The following PRDM1 variants were observed in gnomAD, a reference collection of about 807,000 sequenced individuals.
The protein encoded by PRDM1 is PR/SET domain 1.
PRDM1 carries 13 observed loss-of-function variants against 62.8 expected under a neutral mutation model. The ratio of observed to expected loss-of-function variants is 0.21; its 90% confidence interval spans 0.13 to 0.33. The LOEUF is 0.33. PRDM1 is among the 10% of genes least tolerant of loss of function. The probability of loss-of-function intolerance (pLI) is 1.00; values close to 1 mark genes in which losing one functional copy is unlikely to be tolerated. For synonymous variants in PRDM1, 396 were observed against 417.6 expected (o/e 0.95, Z 0.63); for missense variants, 895 against 1,058.8 (o/e 0.85, Z 2.15).
chr6:106,055,706 A>G (rs545698394), intron 1 of PRDM1, among the ~76,000 whole-genome samples: 1 of 152,314 alleles, frequency 6.6e-6, no homozygotes, highest in Non-Finnish European at 1.5e-5. Context: ...CATTTCACCA[A>G]TTGAACATTT....
chr6:106,051,079 C>T (rs1340437118), intron 1 of PRDM1, among the ~76,000 whole-genome samples: 2 of 152,150 alleles, frequency 1.3e-5, no homozygotes, highest in Non-Finnish European at 2.9e-5. Flanking sequence ...AGTCAGGTTT[C>T]ACCTGTTATA....
In PRDM1 at chr6:106,105,477, C is replaced by G. The variant is rs140025520; in HGVS notation, c.1317C>G (p.Leu439=). 17 of 1,614,138 alleles carry G rather than the reference C, an allele frequency of 1.1e-5. No homozygotes were observed. Among genetic ancestry groups the G allele is most frequent in the Non-Finnish European group, 1.1e-5 (13 of 1,180,034 alleles). ...TGAATGGCATCAACAACTTTGGCCT[C>G]TTCCCGAGGCTGTGCCCTGTCTACA... ...SSMNGINNFG[L]FPRLCPVYSN... The change falls in exon 5 of 7, where the codon CTC becomes CTG. Residue 439 remains leucine (L), a synonymous_variant. Coordinates refer to ENST00000369096, the MANE Select transcript of PRDM1 (RefSeq NM_001198.4).
Position 106,109,421 on chromosome 6 carries a change from T to A in PRDM1, c.*1935T>A. On this transcript the variant is annotated 3_prime_UTR_variant, in exon 7 of 7. Transcript: ENST00000369096. ...ATACTGATACATTACTCCAATCTATTTTATAATTATATTTGACATTTTGTT... is the reference window on the plus strand; with the variant it reads ...ATACTGATACATTACTCCAATCTATATTATAATTATATTTGACATTTTGTT... 1 of 233,412 alleles carries A rather than the reference T, an allele frequency of 4.3e-6. No homozygotes were observed. The highest frequency in any genetic ancestry group is 8.5e-6 in the Non-Finnish European group (1 of 117,856). 14.5% of individuals were successfully genotyped at this position (233,412 alleles called of 1,614,324 possible). A position where few individuals can be genotyped will look rare whatever the true frequency, so the allele number is the denominator to read the frequency against.
intron 1 of PRDM1, among the ~76,000 whole-genome samples, chr6:106,020,933 C>T (rs1211794624): frequency 6.6e-6 from 1 of 152,196 alleles, no homozygotes; most frequent in Non-Finnish European, 1.5e-5. Flanking sequence ...GCACCCGGCT[C>T]CATGCCAGTC....
intron 2 of PRDM1, among the ~76,000 whole-genome samples, chr6:106,089,474 C>T (rs975250424): frequency 3.3e-5 from 5 of 152,108 alleles, no homozygotes; most frequent in Non-Finnish European, 7.4e-5. Flanking sequence ...TGAAGGAATC[C>T]GGGAGACTAG....
chr6:106,019,636 TC>T (rs368652177), intron 1 of PRDM1, among the ~76,000 whole-genome samples: 2 of 149,888 alleles, frequency 1.3e-5, no homozygotes, highest in African/African-American at 2.4e-5. Flanking sequence ...TTTTTTCTTT[TC>T]TTTTTTTTTT....
chr6:106,048,216 C>CAA (rs71006668), upstream of PRDM1, among the ~76,000 whole-genome samples: 38,126 of 109,814 alleles, frequency 0.35, 7,386 homozygotes, highest in South Asian at 0.57. Context: ...CCATCTCTAC[C>CAA]AAAAAAAAAA....
chr6:106,086,240 C>T (rs1773798868), upstream of PRDM1: 3 of 386,916 alleles, frequency 7.8e-6, no homozygotes, highest in East Asian at 1.2e-4. Context: ...AAGCCCTGGG[C>T]TCGGCCAGGT....
chr6:106,074,318 G>C (rs1315686527), intron 1 of PRDM1, among the ~76,000 whole-genome samples: 1 of 152,146 alleles, frequency 6.6e-6, no homozygotes, highest in Non-Finnish European at 1.5e-5. Flanking sequence ...CCAGTCTCTA[G>C]GGATTGTAAT....
chr6:106,057,215 G>A (rs941229988), intron 1 of PRDM1, among the ~76,000 whole-genome samples: 3 of 152,150 alleles, frequency 2.0e-5, no homozygotes, highest in Admixed American at 6.5e-5. Flanking sequence ...CTTGAAGATG[G>A]CCATGATATT....
chr6:105,996,107 T>C (rs1370751461), intron 1 of PRDM1, among the ~76,000 whole-genome samples: 2 of 152,218 alleles, frequency 1.3e-5, no homozygotes, highest in Non-Finnish European at 2.9e-5. Context: ...GTGAAATCCT[T>C]AAAATATAAC....
In PRDM1 at chr6:106,025,670, GA is replaced by G. The variant is rs1302988766; in HGVS notation, c.-67+32034del. On this transcript the variant is annotated intron_variant, in intron 1 of 6. Coordinates refer to the PRDM1 transcript ENST00000652320. The stretch of plus-strand genomic sequence containing the variant: ...GAGTAATTTTCATTTCTCACCTGAG[GA>G]AAGAAAAAAGAATAAAATCTCAAAG... Among the ~76,000 whole-genome samples the G allele has an allele frequency of 2.6e-5, 4 of 152,124 alleles. No homozygotes were observed. The East Asian group carries it at 7.7e-4, about 29-fold the overall frequency.
chr6:106,067,988 A>G (rs1226267664), intron 1 of PRDM1, among the ~76,000 whole-genome samples: 1 of 152,148 alleles, frequency 6.6e-6, no homozygotes, highest in Non-Finnish European at 1.5e-5. Context: ...TAACTTATCT[A>G]TATTTATTTT....
At chr6:106,102,343 A>ACTCAG (rs1774296660) in intron 4 of PRDM1, among the ~76,000 whole-genome samples, 1 of 152,240 alleles carries the variant, frequency 6.6e-6, no homozygotes, top group South Asian at 2.1e-4. Context: ...CTGCTGAAGG[A>ACTCAG]TGATTTTTTA....
chr6:106,030,731 A>AT (rs1274251836), intron 1 of PRDM1, among the ~76,000 whole-genome samples: 15 of 151,694 alleles, frequency 9.9e-5, no homozygotes, highest in Middle Eastern at 3.4e-3. Context: ...GTCAATTTTT[A>AT]TTTTTTTTGC....
At chr6:106,025,150 A>T (rs780567590) in intron 1 of PRDM1, among the ~76,000 whole-genome samples, 1 of 152,222 alleles carries the variant, frequency 6.6e-6, no homozygotes, top group Admixed American at 6.5e-5. Context: ...GTATGTTATC[A>T]ATCAACTTCT....
Position 106,109,637 on chromosome 6 carries a change from C to T in PRDM1, c.*2151C>T. The T allele has an allele frequency of 4.3e-6, 1 of 233,484 alleles. No individual in the cohort carries two copies. The highest frequency in any genetic ancestry group is 8.5e-6 in the Non-Finnish European group (1 of 117,874). 14.5% of individuals were successfully genotyped at this position (233,484 alleles called of 1,614,324 possible). On this transcript the variant is annotated 3_prime_UTR_variant, in exon 7 of 7. Coordinates refer to ENST00000369096, the MANE Select transcript of PRDM1 (RefSeq NM_001198.4). ...CATTAGACCAAATACTTTTGATTCC[C>T]AACTACTCGTTTGTTCTTTTTCTCC...
upstream of PRDM1, among the ~76,000 whole-genome samples, chr6:106,047,001 T>C (rs1773088246): frequency 6.6e-6 from 1 of 152,212 alleles, no homozygotes; most frequent in Non-Finnish European, 1.5e-5. Flanking sequence ...TCTTTACTGA[T>C]ATAGAAGTTT....
At chr6:106,096,582 A>G (rs1048261075) in intron 3 of PRDM1, among the ~76,000 whole-genome samples, 3 of 152,256 alleles carry the variant, frequency 2.0e-5, no homozygotes, top group Admixed American at 6.5e-5. Flanking sequence ...CCATTTGACA[A>G]TAGGTTAATT....
Sources: allele counts gnomAD v4.1 joint callset (sites outside exome capture counted in the v4.1 genomes callset), GRCh38; gene constraint gnomAD v4.1.1; transcripts MANE v1.5; gene names NCBI Gene and HGNC (gene_info 2026-07-23, HGNC 2026-07-21).